Variants in FBN2 observed in about 807,000 individuals in gnomAD.
FBN2 encodes the protein fibrillin 2.
FBN2 carries 105 observed loss-of-function variants against 355.6 expected under a neutral mutation model. That is an observed-to-expected ratio of 0.30 (90% confidence interval 0.25 to 0.35). The LOEUF (loss-of-function observed/expected upper bound fraction) is 0.35, where lower values mean the gene tolerates loss of function less well. FBN2 is among the 10% of genes least tolerant of loss of function. FBN2 has a pLI of 1.00. For missense variants in FBN2, 3,280 were observed against 3,758.7 expected, an observed-to-expected ratio of 0.87 and a Z score of 3.33; for synonymous variants, 1,350 against 1,301.2, an observed-to-expected ratio of 1.04 and a Z score of -0.81.
intron 62 of FBN2, among the ~76,000 whole-genome samples, chr5:128,271,441 T>G (rs1028267525): frequency 5.3e-5 from 8 of 152,240 alleles, no homozygotes; most frequent in African/African-American, 1.9e-4. Context: ...CTATTATCAA[T>G]GCAAGGAACA....
Position 128,307,151 on chromosome 5 carries a change from G to T in FBN2, c.5406C>A (p.His1802Gln), listed in dbSNP as rs759454538. ...GNIPGFTFDI[H>Q]TGKAVDIDEC... is the part of the protein sequence containing the mutation. ...AAAACTCACCAACAGCTTTTCCTGT[G>T]TGAATGTCAAAGGTGAATCCAGGAA... The change falls in exon 42 of 65, where the codon CAC (histidine) becomes CAA (glutamine). Residue 1802 changes from histidine to glutamine, a missense_variant. Physicochemically the swap from His to Gln is conservative, Grantham distance 24. Around this residue, in one of 6 missense-constraint regions of FBN2, gnomAD observed 2,284 missense variants for 2,749.5 expected, o/e 0.83. Coordinates refer to ENST00000262464, the MANE Select transcript of FBN2 (RefSeq NM_001999.4). The T allele has an allele frequency of 6.2e-7, 1 of 1,610,124 alleles. No individual in the cohort carries two copies. The highest frequency in any genetic ancestry group is 8.5e-7 in the Non-Finnish European group (1 of 1,176,654).
chr5:128,337,974 A>C lies in FBN2; in HGVS notation c.3598+23T>G, dbSNP rs186714952. 4.0e-3 allele frequency: 6,395 copies of C among 1,613,490 alleles called. 22 individuals carry two copies. Among genetic ancestry groups the C allele is most frequent in the Non-Finnish European group, 4.9e-3 (5,742 of 1,179,622 alleles). On this transcript the variant is annotated intron_variant, in intron 27 of 64. Transcript: ENST00000262464. ...TTTACCAGTTGTGCTGGGCAGGTTTATGTGCTGAGGAGATAAACTCACCCA... is the reference window on the plus strand; with the variant it reads ...TTTACCAGTTGTGCTGGGCAGGTTTCTGTGCTGAGGAGATAAACTCACCCA...
chr5:128,376,674 C>T, intron 14 of FBN2, 57 bp downstream of exon 14: 1 of 1,599,544 alleles, frequency 6.3e-7, no homozygotes, highest in South Asian at 1.1e-5. Context: ...ATGGTTCATT[C>T]AAATAAAAAA....
chr5:128,465,875 CAG>C (rs999329109), intron 5 of FBN2, among the ~76,000 whole-genome samples: 4 of 152,166 alleles, frequency 2.6e-5, no homozygotes, highest in African/African-American at 4.8e-5. Flanking sequence ...GGTAGAAATG[CAG>C]ACTCAAGCCC....
Position 128,408,780 on chromosome 5 carries a change from G to T in FBN2, c.972C>A (p.Ile324=), listed in dbSNP as rs1326207289. The T allele has an allele frequency of 6.2e-7, 1 of 1,613,818 alleles. No individual in the cohort carries two copies. Among genetic ancestry groups the T allele is most frequent in the Non-Finnish European group, 8.5e-7 (1 of 1,179,848 alleles). The change falls in exon 8 of 65, where the codon ATC becomes ATA. Residue 324 remains isoleucine, a synonymous_variant. Coordinates refer to ENST00000262464, the MANE Select transcript of FBN2 (RefSeq NM_001999.4). The stretch of plus-strand genomic sequence containing the variant: ...CACCAGTTTCACATATCCCAGGAAT[G>T]ATGCTGCACTCATCAATGTCTAATC... ...QKCEDIDECS[I]IPGICETGEC... is the part of the protein sequence containing the mutation.
At chr5:128,359,119 A>G (rs1448372460) in intron 19 of FBN2, among the ~76,000 whole-genome samples, 2 of 152,060 alleles carry the variant, frequency 1.3e-5, no homozygotes, top group Non-Finnish European at 2.9e-5. Flanking sequence ...TCAGAGCTCA[A>G]ACAAAAAAAG....
chr5:128,479,927 C>G (rs926212885), intron 5 of FBN2, among the ~76,000 whole-genome samples: 17 of 80,282 alleles, frequency 2.1e-4, no homozygotes, highest in African/African-American at 7.5e-4. Flanking sequence ...ACCTTGTCTC[C>G]TTGTCTCTCT....
intron 7 of FBN2, among the ~76,000 whole-genome samples, chr5:128,418,584 T>C (rs2127012601): frequency 6.6e-6 from 1 of 152,288 alleles, no homozygotes; most frequent in Non-Finnish European, 1.5e-5. Context: ...AAAATGTCCT[T>C]ATTCCTTTCT....
chr5:128,343,311 G>T (rs1287068185), intron 25 of FBN2, among the ~76,000 whole-genome samples: 2 of 152,212 alleles, frequency 1.3e-5, no homozygotes, highest in Non-Finnish European at 2.9e-5. Flanking sequence ...CAGCCAGAGT[G>T]GAGAAAACAG....
At chr5:128,303,584 A>G (rs1749778722) in intron 45 of FBN2, among the ~76,000 whole-genome samples, 1 of 152,226 alleles carries the variant, frequency 6.6e-6, no homozygotes, top group Admixed American at 6.5e-5. Context: ...TTAGCCTTCA[A>G]AAAAACTGAA....
intron 7 of FBN2, among the ~76,000 whole-genome samples, chr5:128,440,405 A>G (rs1232537801): frequency 6.6e-6 from 1 of 152,190 alleles, no homozygotes; most frequent in Non-Finnish European, 1.5e-5. Context: ...GAAACATACA[A>G]TCATGGTGGA....
chr5:128,318,356 T>G (rs1750269373), intron 35 of FBN2, 85 bp from the exon 36 acceptor site: 1 of 1,372,980 alleles, frequency 7.3e-7, no homozygotes, highest in African/African-American at 1.4e-5. Context: ...GTGGAATTTT[T>G]GCAAGTGAGT....
At chr5:128,280,480 C>T (rs1765506907) in intron 55 of FBN2, among the ~76,000 whole-genome samples, 163 bp from the exon 56 acceptor site, 1 of 152,032 alleles carries the variant, frequency 6.6e-6, no homozygotes, top group Non-Finnish European at 1.5e-5. Flanking sequence ...TTTAGCTTTA[C>T]TTCATCCTTC....
intron 5 of FBN2, among the ~76,000 whole-genome samples, chr5:128,478,796 A>C (rs966866047): frequency 1.3e-5 from 2 of 152,162 alleles, no homozygotes; most frequent in African/African-American, 2.4e-5. Context: ...AAAAAGACAG[A>C]ATTGGGTGAA....
At chr5:128,362,643 T>C (rs1396599593) in intron 18 of FBN2, among the ~76,000 whole-genome samples, 1 of 152,168 alleles carries the variant, frequency 6.6e-6, no homozygotes, top group African/African-American at 2.4e-5. Context: ...AAAACAATTT[T>C]TTTTAGAGAT....
chr5:128,392,922 T>C (rs896895282), intron 10 of FBN2, among the ~76,000 whole-genome samples: 6 of 152,148 alleles, frequency 3.9e-5, no homozygotes, highest in Non-Finnish European at 7.4e-5. Flanking sequence ...AAAAGTAATA[T>C]TTTCCTATTA....
At chr5:128,453,513 C>A (rs1309444232) in intron 6 of FBN2, among the ~76,000 whole-genome samples, 1 of 152,174 alleles carries the variant, frequency 6.6e-6, no homozygotes, top group Non-Finnish European at 1.5e-5. Context: ...CTTTAAATTT[C>A]CATTAAAAAT....
At chr5:128,444,171 C>T (rs1347866479) in intron 7 of FBN2, among the ~76,000 whole-genome samples, 1 of 142,460 alleles carries the variant, frequency 7.0e-6, no homozygotes, top group East Asian at 2.2e-4. Flanking sequence ...CTCCTGGGTT[C>T]ACGCCATTCT....
At chr5:128,519,056 G>A (rs1411444572) in intron 5 of FBN2, among the ~76,000 whole-genome samples, 1 of 152,122 alleles carries the variant, frequency 6.6e-6, no homozygotes, top group Admixed American at 6.6e-5. Flanking sequence ...TAGCCCCAGA[G>A]TTGGCCGCCC....
Sources: allele counts gnomAD v4.1 joint callset (sites outside exome capture counted in the v4.1 genomes callset), GRCh38; gene constraint gnomAD v4.1.1; regional missense constraint gnomAD v4.1.1; transcripts MANE v1.5; gene names NCBI Gene and HGNC (gene_info 2026-07-23, HGNC 2026-07-21).